REDIC1: variants seen among roughly 807,000 people sequenced by gnomAD.
REDIC1 encodes HEI10 Interacting Protein 1.
chr12:39,805,683 TCTG>T, the REDIC1 span, among the ~76,000 whole-genome samples: 1 of 152,314 alleles, frequency 6.6e-6, no homozygotes, highest in African/African-American at 2.4e-5. Flanking sequence ...GCTTAAATAA[TCTG>T]CTAATTAAAA....
At chr12:39,653,558 T>TTCTTC in the REDIC1 span, among the ~76,000 whole-genome samples, 105 of 43,860 alleles carry the variant, frequency 2.4e-3, 22 homozygotes, top group South Asian at 5.6e-3. Flanking sequence ...CTTCTTCTTC[T>TTCTTC]TTCTTCTTCT....
At chr12:39,734,722 A>G in the REDIC1 span, among the ~76,000 whole-genome samples, 4 of 152,198 alleles carry the variant, frequency 2.6e-5, no homozygotes, top group East Asian at 5.8e-4. Flanking sequence ...ATTCTGTTTC[A>G]TTGATCTATA....
chr12:39,895,798 A>G, the REDIC1 span, among the ~76,000 whole-genome samples: 2 of 80,540 alleles, frequency 2.5e-5, no homozygotes, highest in African/African-American at 5.1e-5. Flanking sequence ...ACACACATGT[A>G]TATGCGTGTA....
chr12:39,741,153 G>A, the REDIC1 span, among the ~76,000 whole-genome samples: 1 of 152,112 alleles, frequency 6.6e-6, no homozygotes, highest in Non-Finnish European at 1.5e-5. Flanking sequence ...TTTAGAGAAA[G>A]CACAGGTAGA....
the REDIC1 span, among the ~76,000 whole-genome samples, chr12:39,777,759 A>G: frequency 6.6e-6 from 1 of 152,216 alleles, no homozygotes; most frequent in Non-Finnish European, 1.5e-5. Context: ...TGAGTGGCAG[A>G]ATGACATGGA....
chr12:39,786,263 G>A, the REDIC1 span, among the ~76,000 whole-genome samples: 5 of 152,104 alleles, frequency 3.3e-5, no homozygotes, highest in African/African-American at 9.7e-5. Context: ...CTATCCTCGT[G>A]ATAGCGAATA....
At chr12:39,704,333 A>C in the REDIC1 span, among the ~76,000 whole-genome samples, 4 of 152,166 alleles carry the variant, frequency 2.6e-5, no homozygotes, top group African/African-American at 4.8e-5. Context: ...GCTCACCATC[A>C]CTGGCCATCA....
the REDIC1 span, among the ~76,000 whole-genome samples, chr12:39,890,445 T>A: frequency 6.6e-6 from 1 of 152,216 alleles, no homozygotes; most frequent in Non-Finnish European, 1.5e-5. Flanking sequence ...TAGAATTAAA[T>A]GTTGCTCATC....
chr12:39,711,358 TAC>T, the REDIC1 span, among the ~76,000 whole-genome samples: 2 of 147,246 alleles, frequency 1.4e-5, no homozygotes, highest in Non-Finnish European at 3.0e-5. Context: ...TATGTATATA[TAC>T]ATATATACAC....
the REDIC1 span, among the ~76,000 whole-genome samples, chr12:39,816,451 G>A: frequency 3.6e-5 from 4 of 111,336 alleles, no homozygotes; most frequent in African/African-American, 6.8e-5. Context: ...GAGGGGGGAG[G>A]GATAGCATTA....
chr12:39,703,771 C>T, the REDIC1 span, among the ~76,000 whole-genome samples: 11 of 152,104 alleles, frequency 7.2e-5, no homozygotes, highest in East Asian at 1.9e-4. Context: ...TCAGTAATAA[C>T]GCCACATATC....
At chr12:39,776,457 T>TG in the REDIC1 span, among the ~76,000 whole-genome samples, 1 of 152,106 alleles carries the variant, frequency 6.6e-6, no homozygotes, top group Non-Finnish European at 1.5e-5. Flanking sequence ...AAGGGGTGGG[T>TG]GCTGTATACC....
the REDIC1 span, among the ~76,000 whole-genome samples, chr12:39,782,580 A>G: frequency 6.6e-6 from 1 of 152,160 alleles, no homozygotes; most frequent in African/African-American, 2.4e-5. Flanking sequence ...GCAGCATGAA[A>G]ATGGACTAAT....
At chr12:39,790,225 CTTTT>C in the REDIC1 span, among the ~76,000 whole-genome samples, 1 of 108,030 alleles carries the variant, frequency 9.3e-6, no homozygotes, top group Non-Finnish European at 2.0e-5. Flanking sequence ...TCTTCTTCTT[CTTTT>C]TTTATTATAC....
At chr12:39,865,331 T>C in the REDIC1 span, among the ~76,000 whole-genome samples, 3 of 152,352 alleles carry the variant, frequency 2.0e-5, no homozygotes, top group East Asian at 1.9e-4. Context: ...AAGACTTAAA[T>C]TGGTAAACCT....
At chr12:39,783,252 T>C in the REDIC1 span, among the ~76,000 whole-genome samples, 134 of 152,248 alleles carry the variant, frequency 8.8e-4, no homozygotes, top group Non-Finnish European at 1.7e-3. Flanking sequence ...TGCCACATTT[T>C]CTTAATTCAC....
the REDIC1 span, among the ~76,000 whole-genome samples, chr12:39,884,514 C>T: frequency 3.3e-5 from 5 of 152,248 alleles, no homozygotes; most frequent in South Asian, 2.1e-4. Flanking sequence ...AAAATAAGTA[C>T]ATCATGGCCA....
chr12:39,706,745 A>G, the REDIC1 span, among the ~76,000 whole-genome samples: 1 of 152,078 alleles, frequency 6.6e-6, no homozygotes, highest in Non-Finnish European at 1.5e-5. Context: ...TGCCAAGAAC[A>G]TGCACTGGGA....
the REDIC1 span, chr12:39,864,681 T>C: frequency 3.2e-6 from 5 of 1,556,900 alleles, no homozygotes; most frequent in African/African-American, 6.9e-5. Flanking sequence ...CCTACTCATC[T>C]CTACAACTTT....
Sources: allele counts gnomAD v4.1 joint callset (sites outside exome capture counted in the v4.1 genomes callset), GRCh38; gene constraint gnomAD v4.1.1; transcripts MANE v1.5; gene names NCBI Gene and HGNC (gene_info 2026-07-23, HGNC 2026-07-21).